The following LDB2 variants were observed in gnomAD, a reference collection of about 807,000 sequenced individuals.
The protein encoded by LDB2 is LIM domain binding 2.
LDB2 carries 12 observed loss-of-function variants against 44.3 expected under a neutral mutation model. That is an observed-to-expected ratio of 0.27 (90% CI 0.17 to 0.44). The LOEUF is 0.44. Ranked by LOEUF, LDB2 falls within the 20% of genes least tolerant of loss-of-function variation. The probability of loss-of-function intolerance (pLI) is 1.00; values close to 1 mark genes in which losing one functional copy is unlikely to be tolerated. For missense variants in LDB2, 344 were observed against 473.5 expected (o/e 0.73, Z 2.54); for synonymous variants, 164 against 174.8 (o/e 0.94, Z 0.49).
intron 1 of LDB2, among the ~76,000 whole-genome samples, chr4:16,823,029 A>G (rs1279648028): frequency 6.6e-6 from 1 of 152,188 alleles, no homozygotes; most frequent in Non-Finnish European, 1.5e-5. Flanking sequence ...GAATAACTAC[A>G]TAGCCCTGCT....
At chr4:16,646,547 A>T (rs753413016) in intron 2 of LDB2, among the ~76,000 whole-genome samples, 3 of 152,306 alleles carry the variant, frequency 2.0e-5, no homozygotes, top group African/African-American at 7.2e-5. Flanking sequence ...CATCTGCCAT[A>T]AGAAGAATAT....
At chr4:16,672,289 C>G (rs76340253) in intron 2 of LDB2, among the ~76,000 whole-genome samples, 2,678 of 152,302 alleles carry the variant, frequency 0.018, 28 homozygotes, top group Non-Finnish European at 0.028. Context: ...GCCTGCAAGT[C>G]TAACCCCTAA....
chr4:16,866,251 T>A (rs756583733), intron 1 of LDB2, among the ~76,000 whole-genome samples: 2 of 152,148 alleles, frequency 1.3e-5, no homozygotes, highest in Non-Finnish European at 2.9e-5. Context: ...AGTTACAAAG[T>A]AGCACACCTC....
At chr4:16,749,431 G>A (rs535916484) in intron 2 of LDB2, among the ~76,000 whole-genome samples, 4 of 151,186 alleles carry the variant, frequency 2.6e-5, no homozygotes, top group South Asian at 2.1e-4. Flanking sequence ...GGTTGTGAGC[G>A]CCTATAGTCC....
chr4:16,670,201 G>A (rs890778466), intron 2 of LDB2, among the ~76,000 whole-genome samples: 6 of 152,176 alleles, frequency 3.9e-5, no homozygotes, highest in Non-Finnish European at 8.8e-5. Flanking sequence ...AGCACTCCTT[G>A]TAGTCAGTCC....
intron 2 of LDB2, among the ~76,000 whole-genome samples, chr4:16,726,689 G>A (rs1017616551): frequency 1.3e-4 from 20 of 152,164 alleles, no homozygotes; most frequent in Admixed American, 5.9e-4. Context: ...TTAAAGGGGA[G>A]GGAGGACCAG....
intron 1 of LDB2, among the ~76,000 whole-genome samples, chr4:16,878,674 G>A (rs1719132324): frequency 6.6e-6 from 1 of 152,166 alleles, no homozygotes; most frequent in Non-Finnish European, 1.5e-5. Context: ...GTCAAACACG[G>A]TCTGACCCCA....
intron 1 of LDB2, among the ~76,000 whole-genome samples, chr4:16,846,838 A>G (rs1356128604): frequency 6.6e-6 from 1 of 152,226 alleles, no homozygotes; most frequent in African/African-American, 2.4e-5. Flanking sequence ...ACAAAAATAT[A>G]TAATTTATTT....
chr4:16,605,459 C>G (rs1487524226), intron 2 of LDB2, among the ~76,000 whole-genome samples: 2 of 151,934 alleles, frequency 1.3e-5, no homozygotes, highest in African/African-American at 4.8e-5. Flanking sequence ...ATTAGTAATA[C>G]ATGTGCAAAA....
intron 2 of LDB2, among the ~76,000 whole-genome samples, chr4:16,704,363 C>T (rs1386585411): frequency 2.6e-5 from 4 of 152,156 alleles, no homozygotes; most frequent in Non-Finnish European, 2.9e-5. Context: ...ATTATTGTTA[C>T]TTCTACTGTT....
intron 5 of LDB2, among the ~76,000 whole-genome samples, chr4:16,556,697 G>A (rs112796049): frequency 2.9e-4 from 44 of 152,310 alleles, no homozygotes; most frequent in Admixed American, 9.8e-4. Flanking sequence ...AACCTATGCC[G>A]TTAAAAGTTG....
At chr4:16,765,761 C>T (rs1769067580) in intron 1 of LDB2, among the ~76,000 whole-genome samples, 1 of 152,254 alleles carries the variant, frequency 6.6e-6, no homozygotes. Context: ...GAGAAGTCTT[C>T]TCTCTGTCAC....
At chr4:16,726,209 A>C (rs1315781537) in intron 2 of LDB2, 1 of 152,172 alleles carries the variant, frequency 6.6e-6, no homozygotes, top group African/African-American at 2.4e-5. Context: ...CTAACAATGC[A>C]TGTAGCTTAG....
chr4:16,505,549 A>T (rs1428111339), intron 7 of LDB2, among the ~76,000 whole-genome samples: 4 of 152,200 alleles, frequency 2.6e-5, no homozygotes, highest in Admixed American at 1.3e-4. Flanking sequence ...TTCTCACACA[A>T]AATAAATAAA....
intron 1 of LDB2, among the ~76,000 whole-genome samples, chr4:16,796,185 T>C (rs901585158): frequency 1.3e-5 from 2 of 151,956 alleles, no homozygotes; most frequent in Non-Finnish European, 2.9e-5. Flanking sequence ...CTGGGGAGGT[T>C]AAGGTGGGAG....
chr4:16,656,434 T>C (rs1739885149), intron 2 of LDB2, among the ~76,000 whole-genome samples: 1 of 152,144 alleles, frequency 6.6e-6, no homozygotes. Context: ...AGCTGTGCTG[T>C]CCAATACGCC....
At chr4:16,639,293 G>C (rs1434959207) in intron 2 of LDB2, among the ~76,000 whole-genome samples, 1 of 152,090 alleles carries the variant, frequency 6.6e-6, no homozygotes, top group Admixed American at 6.5e-5. Flanking sequence ...CTAACAATTG[G>C]GTCTATAGAA....
chr4:16,851,875 G>A (rs1453712118), intron 1 of LDB2, among the ~76,000 whole-genome samples: 1 of 152,202 alleles, frequency 6.6e-6, no homozygotes, highest in Non-Finnish European at 1.5e-5. Context: ...TAGAGTTTGA[G>A]CACAATCTGA....
intron 2 of LDB2, among the ~76,000 whole-genome samples, chr4:16,650,840 T>C (rs1450319221): frequency 6.6e-6 from 1 of 152,196 alleles, no homozygotes; most frequent in African/African-American, 2.4e-5. Flanking sequence ...ATATCAATGG[T>C]CACTCTCCTT....
Sources: allele counts gnomAD v4.1 joint callset (sites outside exome capture counted in the v4.1 genomes callset), GRCh38; gene constraint gnomAD v4.1.1; transcripts MANE v1.5; gene names NCBI Gene and HGNC (gene_info 2026-07-23, HGNC 2026-07-21).